The following ANKRD44 variants were observed in gnomAD, a reference collection of about 807,000 sequenced individuals.
ANKRD44 encodes ankyrin repeat domain 44.
In ANKRD44, 35 loss-of-function variants were observed where a neutral mutation model predicts 116.0. That is an observed-to-expected ratio of 0.30 (90% CI 0.23 to 0.40). The LOEUF (loss-of-function observed/expected upper bound fraction) is 0.40, where lower values mean the gene tolerates loss of function less well. Among genes scored for constraint, ANKRD44 ranks in the 10% least tolerant of loss-of-function variants. The pLI is 1.00. For synonymous variants in ANKRD44, 435 were observed against 461.8 expected, an observed-to-expected ratio of 0.94 and a Z score of 0.74; for missense variants, 1,014 against 1,242.6, an observed-to-expected ratio of 0.82 and a Z score of 2.77.
chr2:197,299,487 A>C (rs1368667370), intron 1 of ANKRD44: 2 of 152,230 alleles, frequency 1.3e-5, no homozygotes, highest in Non-Finnish European at 2.9e-5. Flanking sequence ...CATACCATGG[A>C]ATACTACTCA....
chr2:197,009,877 A>T (rs1438430226), intron 18 of ANKRD44, among the ~76,000 whole-genome samples: 1 of 151,714 alleles, frequency 6.6e-6, no homozygotes, highest in African/African-American at 2.4e-5. Context: ...GTCCTTTCTT[A>T]TCTCCTGTCA....
chr2:197,069,791 A>G (rs2077521025), intron 16 of ANKRD44, among the ~76,000 whole-genome samples: 1 of 152,140 alleles, frequency 6.6e-6, no homozygotes, highest in Non-Finnish European at 1.5e-5. Flanking sequence ...GTCTATGAAA[A>G]CCTTGCTAGA....
chr2:197,021,907 A>T (rs953522567), intron 17 of ANKRD44, among the ~76,000 whole-genome samples: 1 of 152,250 alleles, frequency 6.6e-6, no homozygotes, highest in African/African-American at 2.4e-5. Context: ...CCATGAGAAC[A>T]ATGGATCTGT....
intron 2 of ANKRD44, among the ~76,000 whole-genome samples, chr2:197,154,410 A>ACCTCGTGATCCGCCCG (rs1157992422): frequency 6.6e-6 from 1 of 151,440 alleles, no homozygotes; most frequent in African/African-American, 2.4e-5. Flanking sequence ...CGATCTCCTG[A>ACCTCGTGATCCGCCCG]CCTCGTGATC....
intron 20 of ANKRD44, 119 bp from the exon 21 acceptor site, chr2:197,006,029 C>T: frequency 1.1e-6 from 1 of 872,354 alleles, no homozygotes; most frequent in Non-Finnish European, 1.8e-6. Context: ...TTAAGGAAGG[C>T]AGACTCTGTC....
At chr2:197,225,374 C>T (rs1212002735) in intron 1 of ANKRD44, among the ~76,000 whole-genome samples, 1 of 152,060 alleles carries the variant, frequency 6.6e-6, no homozygotes, top group Non-Finnish European at 1.5e-5. Flanking sequence ...GACTGAGTCT[C>T]GCTCTGTCAC....
intron 1 of ANKRD44, among the ~76,000 whole-genome samples, chr2:197,191,632 C>T (rs2080825639): frequency 6.6e-6 from 1 of 152,074 alleles, no homozygotes; most frequent in Admixed American, 6.5e-5. Flanking sequence ...CAAAATTCCA[C>T]TAGGGGGAGC....
intron 8 of ANKRD44, among the ~76,000 whole-genome samples, chr2:197,118,586 A>G (rs910102915): frequency 2.0e-5 from 3 of 150,218 alleles, no homozygotes; most frequent in Non-Finnish European, 2.9e-5. Flanking sequence ...GCAACATTCT[A>G]TCTCAAAAAC....
At chr2:197,251,349 T>C (rs889058276) in intron 1 of ANKRD44, among the ~76,000 whole-genome samples, 2 of 152,222 alleles carry the variant, frequency 1.3e-5, no homozygotes, top group African/African-American at 2.4e-5. Flanking sequence ...CAGCTTTTTT[T>C]TCCTTTAGAA....
At chr2:197,228,742 A>C (rs1376519470) in intron 1 of ANKRD44, among the ~76,000 whole-genome samples, 1 of 152,218 alleles carries the variant, frequency 6.6e-6, no homozygotes, top group Non-Finnish European at 1.5e-5. Flanking sequence ...AAGTTATCTG[A>C]AGAGCAGTTA....
At chr2:197,015,555 G>T (rs1378887005) in intron 17 of ANKRD44, 3 of 507,236 alleles carry the variant, frequency 5.9e-6, no homozygotes, top group Admixed American at 2.8e-5. Context: ...GCAATTTTAT[G>T]GGTGGTAGAG....
chr2:196,975,826 AAAG>A (rs1471308002), intron 21 of ANKRD44, among the ~76,000 whole-genome samples: 1 of 148,252 alleles, frequency 6.7e-6, no homozygotes, highest in East Asian at 1.9e-4. Flanking sequence ...AGAAAGAAAG[AAAG>A]AAAGAAAGAA....
rs1407962382 is a variant in ANKRD44 at position 197,136,603 on chromosome 2, AAGCAAC to A, written c.244_249del (p.Val82_Ala83del). 1 of 1,614,120 alleles carries A rather than the reference AAGCAAC, an allele frequency of 6.2e-7. No homozygotes were observed. Among genetic ancestry groups the A allele is most frequent in the Non-Finnish European group, 8.5e-7 (1 of 1,179,974 alleles). ...TGGTAATCACTCACTTCACTTCTGGAAGCAACAGCCCGGTGCAGTGGAGTCAGCCAC... is the reference window on the plus strand; with the variant it reads ...TGGTAATCACTCACTTCACTTCTGGAAGCCCGGTGCAGTGGAGTCAGCCAC... On this transcript the variant is annotated inframe_deletion, in exon 4 of 28. Transcript: ENST00000282272.
chr2:197,149,110 T>G (rs2079576389), intron 2 of ANKRD44, among the ~76,000 whole-genome samples: 2 of 152,226 alleles, frequency 1.3e-5, no homozygotes, highest in Admixed American at 6.5e-5. Context: ...TATATCTACT[T>G]AAAATTTTCT....
chr2:197,067,265 T>C (rs3953861), intron 16 of ANKRD44, among the ~76,000 whole-genome samples: 128,311 of 151,670 alleles, frequency 0.85, 56,694 homozygotes, highest in East Asian at 1. Flanking sequence ...CTTCCTTACA[T>C]CTTATACAAA....
In ANKRD44 at chr2:197,201,898, C is replaced by T. The variant is rs1463179653; in HGVS notation, c.28-14792G>A. Among the ~76,000 whole-genome samples, 1 of 152,214 alleles carries T rather than the reference C, an allele frequency of 6.6e-6. No individual in the cohort carries two copies. Among genetic ancestry groups the T allele is most frequent in the East Asian group, 1.9e-4 (1 of 5,198 alleles). ...TTTGTGTCCTTGTGTACCCAATGCT[C>T]AGCTCCCACTTGTAAGAACATTCAT... is the stretch of plus-strand genomic sequence containing the variant. On this transcript the variant is annotated intron_variant, in intron 1 of 27. Coordinates refer to ENST00000282272, the MANE Select transcript of ANKRD44 (RefSeq NM_001195144.2). This position sits in a 1 kb window ranked among gnomAD's most constrained non-coding sequence, Gnocchi z 4.0.
intron 16 of ANKRD44, among the ~76,000 whole-genome samples, chr2:197,076,258 C>A (rs917661875): frequency 1.3e-5 from 2 of 152,150 alleles, no homozygotes; most frequent in African/African-American, 4.8e-5. Flanking sequence ...AAGGATGACC[C>A]CTGCGAAGAC....
chr2:197,288,890 G>T (rs897672456), intron 1 of ANKRD44, among the ~76,000 whole-genome samples: 4 of 152,148 alleles, frequency 2.6e-5, no homozygotes, highest in Admixed American at 2.6e-4. Flanking sequence ...GATACCAGAG[G>T]CTGAGAAGGA....
chr2:197,052,200 A>G (rs1036596411), intron 16 of ANKRD44, among the ~76,000 whole-genome samples: 8 of 152,204 alleles, frequency 5.3e-5, no homozygotes, highest in African/African-American at 1.7e-4. Context: ...CTAGTGAGAA[A>G]CCCATCCTTC....
Sources: gnomAD v4.1 joint callset for allele counts (sites outside exome capture counted in the v4.1 genomes callset) on GRCh38, gnomAD v4.1.1 for gene constraint, Gnocchi (gnomAD v3.1) non-coding constraint, MANE v1.5 for transcripts, NCBI Gene and HGNC (gene_info 2026-07-23, HGNC 2026-07-21) for gene names.